The following GRM7 variants were observed in gnomAD, a reference collection of about 807,000 sequenced individuals.
GRM7 encodes the protein metabotropic glutamate receptor 7.
A neutral mutation model predicts 84.5 loss-of-function variants in GRM7; 35 were observed. The ratio of observed to expected loss-of-function variants is 0.41; its 90% CI spans 0.32 to 0.55. The LOEUF is 0.55. Ranked by LOEUF, GRM7 falls within the 20% of genes least tolerant of loss-of-function variation. The probability of loss-of-function intolerance (pLI) is 0.19; values close to 1 mark genes in which losing one functional copy is unlikely to be tolerated. For missense variants in GRM7, 1,003 were observed against 1,194.6 expected, an observed-to-expected ratio of 0.84 and a Z score of 2.36; for synonymous variants, 487 against 455.1, an observed-to-expected ratio of 1.07 and a Z score of -0.89.
intron 8 of GRM7, among the ~76,000 whole-genome samples, chr3:7,612,949 T>A (rs1696909611): frequency 6.6e-6 from 1 of 152,220 alleles, no homozygotes. Context: ...CAATTACTTT[T>A]GCAGAGTAAA....
intron 7 of GRM7, among the ~76,000 whole-genome samples, chr3:7,564,613 C>T (rs1006215311): frequency 6.6e-6 from 1 of 152,074 alleles, no homozygotes; most frequent in Non-Finnish European, 1.5e-5. Flanking sequence ...TCTTAAAGTT[C>T]TTTGCATGAA....
intron 1 of GRM7, among the ~76,000 whole-genome samples, chr3:7,073,534 T>G (rs1455441758): frequency 6.6e-6 from 1 of 152,138 alleles, no homozygotes; most frequent in Non-Finnish European, 1.5e-5. Flanking sequence ...TAGTTGATTT[T>G]CAGATCAGAT....
At chr3:7,576,097 G>T (rs1575513932) in intron 7 of GRM7, among the ~76,000 whole-genome samples, 1 of 152,272 alleles carries the variant, frequency 6.6e-6, no homozygotes, top group Non-Finnish European at 1.5e-5. Context: ...CATCTTTCCT[G>T]GTAGCCATGA....
At chr3:7,700,476 G>A (rs1472329940) in intron 9 of GRM7, among the ~76,000 whole-genome samples, 1 of 152,164 alleles carries the variant, frequency 6.6e-6, no homozygotes, top group East Asian at 1.9e-4. Context: ...ATTCTGCTAA[G>A]GATTTGAAAT....
At chr3:7,692,548 A>G (rs1254454155) in intron 9 of GRM7, among the ~76,000 whole-genome samples, 1 of 152,192 alleles carries the variant, frequency 6.6e-6, no homozygotes, top group African/African-American at 2.4e-5. Flanking sequence ...CAGTCTTCAA[A>G]GGGCCTATCA....
chr3:6,950,587 A>C (rs1401403502), intron 1 of GRM7, among the ~76,000 whole-genome samples: 7 of 152,230 alleles, frequency 4.6e-5, no homozygotes, highest in Non-Finnish European at 2.9e-5. Flanking sequence ...CAAAACTGTC[A>C]GACAGGGACA....
intron 7 of GRM7, among the ~76,000 whole-genome samples, chr3:7,505,343 C>T (rs1386400431): frequency 6.6e-6 from 1 of 152,210 alleles, no homozygotes; most frequent in Admixed American, 6.5e-5. Flanking sequence ...GGTGGCTCTA[C>T]AATTCTTGAG....
chr3:6,961,212 G>A (rs529688539), intron 1 of GRM7, among the ~76,000 whole-genome samples: 9 of 152,270 alleles, frequency 5.9e-5, no homozygotes, highest in African/African-American at 2.2e-4. Context: ...AGCATCTTGT[G>A]TTCTCACAGC....
intron 7 of GRM7, among the ~76,000 whole-genome samples, chr3:7,495,798 T>G (rs1699682352): frequency 6.6e-6 from 1 of 152,212 alleles, no homozygotes; most frequent in Non-Finnish European, 1.5e-5. Context: ...TCACCTTCTG[T>G]TGGATAGGGG....
At chr3:7,539,480 G>C (rs921878502) in intron 7 of GRM7, among the ~76,000 whole-genome samples, 1 of 109,976 alleles carries the variant, frequency 9.1e-6, no homozygotes, top group Non-Finnish European at 2.2e-5. Context: ...TTCAAGACTA[G>C]CCTGGCAAAA....
intron 8 of GRM7, among the ~76,000 whole-genome samples, chr3:7,608,374 T>G (rs1360787408): frequency 6.6e-6 from 1 of 152,176 alleles, no homozygotes. Context: ...TCCTGCAACC[T>G]TGCCAGCATC....
intron 4 of GRM7, among the ~76,000 whole-genome samples, chr3:7,401,738 C>T (rs890395500): frequency 6.6e-6 from 1 of 152,168 alleles, no homozygotes; most frequent in African/African-American, 2.4e-5. Context: ...CATTGCATCT[C>T]TCTAACTTCT....
At chr3:6,875,423 A>C (rs1477161110) in intron 1 of GRM7, among the ~76,000 whole-genome samples, 1 of 152,110 alleles carries the variant, frequency 6.6e-6, no homozygotes, top group African/African-American at 2.4e-5. Context: ...GTAGAGAATA[A>C]GTCTCACGAG....
intron 4 of GRM7, among the ~76,000 whole-genome samples, chr3:7,374,952 A>T (rs1028248547): frequency 6.6e-6 from 1 of 152,018 alleles, no homozygotes; most frequent in Admixed American, 6.6e-5. Context: ...ATGTTGCCAA[A>T]CTCTGAAACT....
intron 7 of GRM7, among the ~76,000 whole-genome samples, chr3:7,506,950 C>T (rs922491793): frequency 7.2e-5 from 11 of 152,130 alleles, no homozygotes; most frequent in African/African-American, 2.7e-4. Flanking sequence ...CATACCATAG[C>T]TCTCACACCT....
intron 2 of GRM7, among the ~76,000 whole-genome samples, chr3:7,204,789 G>A (rs1384196928): frequency 6.6e-6 from 1 of 152,176 alleles, no homozygotes; most frequent in Non-Finnish European, 1.5e-5. Context: ...AATTTGTAGA[G>A]CAATTTTTTG....
In GRM7 at chr3:7,360,132, T is replaced by C. The variant is rs551346498; in HGVS notation, c.1033+53480T>C. 5.8e-4 allele frequency among the ~76,000 whole-genome samples: 65 copies of C among 112,304 alleles called. 6 individuals carry two copies. In the East Asian group the frequency reaches 8.1e-3, roughly 14 times the overall value. The allele number at this position is 112,304 out of a possible 152,430, so 73.7% of individuals were successfully genotyped here. On this transcript the variant is annotated intron_variant, in intron 4 of 9. Transcript: ENST00000357716. The stretch of plus-strand genomic sequence containing the variant: ...TATCTCTTTCTCCCCCCCTTTTTTT[T>C]CCCTCTGTGTGTGTGTGTGTGTGTG...
At chr3:6,956,554 T>C (rs1693058676) in intron 1 of GRM7, 2 of 456,528 alleles carry the variant, frequency 4.4e-6, no homozygotes, top group South Asian at 3.1e-5. Context: ...CACTCTCTCT[T>C]CTGTTCTCCT....
At chr3:7,190,804 G>A (rs1695685923) in intron 2 of GRM7, among the ~76,000 whole-genome samples, 2 of 152,126 alleles carry the variant, frequency 1.3e-5, no homozygotes, top group Admixed American at 1.3e-4. Context: ...TGTTAGACAG[G>A]GAGAACAGCA....
Sources: gnomAD v4.1 joint callset for allele counts (sites outside exome capture counted in the v4.1 genomes callset) on GRCh38, gnomAD v4.1.1 for gene constraint, MANE v1.5 for transcripts, NCBI Gene and HGNC (gene_info 2026-07-23, HGNC 2026-07-21) for gene names.